SULT1B1: variants seen among roughly 807,000 people sequenced by gnomAD.
SULT1B1 encodes sulfotransferase 1B1.
A neutral mutation model predicts 34.6 loss-of-function variants in SULT1B1; 28 were observed. The ratio of observed to expected loss-of-function variants is 0.81; its 90% confidence interval spans 0.60 to 1.11. The LOEUF is 1.11. SULT1B1 is among the 50% of genes least tolerant of loss of function. SULT1B1 has a pLI of 0.00. For missense variants in SULT1B1, 374 were observed against 352.2 expected (o/e 1.06, Z -0.50); for synonymous variants, 147 against 110.2 (o/e 1.33, Z -2.09).
chr4:69,735,474 A>C (rs1847365), intron 4 of SULT1B1, among the ~76,000 whole-genome samples: 144,805 of 152,298 alleles, frequency 0.95, 69,013 homozygotes, highest in Non-Finnish European at 0.99. Context: ...AAGTACTGGG[A>C]CATTCAAACT....
chr4:69,730,682 C>T lies in SULT1B1; in HGVS notation c.598-1G>A. On this transcript the variant is annotated splice_acceptor_variant, in intron 6 of 7. Coordinates refer to ENST00000310613, the MANE Select transcript of SULT1B1 (RefSeq NM_014465.4). LOFTEE classifies it high-confidence loss of function. ...TCTTCTTGATTTCCTCCTTTGGATT[C>T]TATTAGTGGGTAAAACCCAAGACAA... 1 of 1,610,170 alleles carries T rather than the reference C, an allele frequency of 6.2e-7. No individual in the cohort carries two copies. Among genetic ancestry groups the T allele is most frequent in the Non-Finnish European group, 8.5e-7 (1 of 1,178,862 alleles).
chr4:69,733,859 AG>A (rs1278034835), intron 5 of SULT1B1, among the ~76,000 whole-genome samples: 1 of 152,186 alleles, frequency 6.6e-6, no homozygotes, highest in African/African-American at 2.4e-5. Context: ...TGCTTAAGCA[AG>A]TTAAACAATG....
chr4:69,739,913 C>G (rs571534047), intron 4 of SULT1B1, among the ~76,000 whole-genome samples: 6 of 152,304 alleles, frequency 3.9e-5, no homozygotes, highest in Admixed American at 3.9e-4. Flanking sequence ...CAGTTCCCAA[C>G]AAGTTCCTCT....
At chr4:69,755,020 G>T in intron 2 of SULT1B1, 50 bp downstream of exon 2, 1 of 1,497,092 alleles carries the variant, frequency 6.7e-7, no homozygotes, top group Non-Finnish European at 9.2e-7. Flanking sequence ...TTGATTTCCA[G>T]GAAACAAAAA....
chr4:69,756,839 C>T (rs1300952273), intron 1 of SULT1B1, among the ~76,000 whole-genome samples: 1 of 152,110 alleles, frequency 6.6e-6, no homozygotes, highest in Non-Finnish European at 1.5e-5. Flanking sequence ...AGGAGAGTCA[C>T]CCTTTTGGTT....
In SULT1B1 at chr4:69,754,733, G is replaced by T. The variant is rs148271036; in HGVS notation, c.214C>A (p.Arg72=). The T allele has an allele frequency of 7.1e-4, 1,139 of 1,612,496 alleles. 4 individuals carry two copies. The highest frequency in any genetic ancestry group is 9.0e-4 in the Non-Finnish European group (1,057 of 1,179,080). ...GGAACTTTTTCAGTAATAAAACCTC[G>T]CTTACATTTTTCAATATCTCCATCA... ...LNDGDIEKCK[R]GFITEKVPML... Residue 72 remains arginine (R), a synonymous_variant, in exon 3 of 8, where the codon CGA becomes AGA. Coordinates refer to ENST00000310613, the MANE Select transcript of SULT1B1 (RefSeq NM_014465.4).
At chr4:69,749,383 T>C (rs1164926856) in intron 4 of SULT1B1, among the ~76,000 whole-genome samples, 1 of 152,108 alleles carries the variant, frequency 6.6e-6, no homozygotes, top group Non-Finnish European at 1.5e-5. Context: ...GAACAAATGT[T>C]ACAACAAAGA....
chr4:69,738,490 C>G (rs1718405111), intron 4 of SULT1B1, among the ~76,000 whole-genome samples: 1 of 152,148 alleles, frequency 6.6e-6, no homozygotes. Flanking sequence ...ATAAAACCAT[C>G]AGGTCTTCTG....
chr4:69,731,589 G>C (rs572314621), intron 6 of SULT1B1, among the ~76,000 whole-genome samples: 1 of 151,884 alleles, frequency 6.6e-6, no homozygotes, highest in Admixed American at 6.6e-5. Flanking sequence ...GTAAATTACT[G>C]GACTTTTTTT....
intron 4 of SULT1B1, among the ~76,000 whole-genome samples, chr4:69,738,273 T>C (rs1005270652): frequency 2.0e-4 from 31 of 152,306 alleles, no homozygotes; most frequent in African/African-American, 7.2e-4. Flanking sequence ...TAATGAGTAT[T>C]GTATTAATAA....
intron 7 of SULT1B1, 139 bp downstream of exon 7, chr4:69,730,362 C>A: frequency 1.6e-6 from 1 of 615,738 alleles, no homozygotes; most frequent in Non-Finnish European, 2.6e-6. Flanking sequence ...TTTTGAATCT[C>A]AGCAACTTTT....
intron 4 of SULT1B1, among the ~76,000 whole-genome samples, chr4:69,738,399 C>A (rs547446677): frequency 4.6e-5 from 7 of 152,262 alleles, no homozygotes; most frequent in Non-Finnish European, 8.8e-5. Flanking sequence ...ACAATCATGG[C>A]AGAAGCAAAA....
In SULT1B1 at chr4:69,725,347, C is replaced by T. The variant is rs1010963764; in HGVS notation, c.*1741G>A. 6.6e-6 allele frequency: 1 copy of T among 152,068 alleles called. No individual in the cohort carries two copies. Among genetic ancestry groups the T allele is most frequent in the Non-Finnish European group, 1.5e-5 (1 of 67,996 alleles). 9.4% of individuals were successfully genotyped at this position (152,068 alleles called of 1,614,324 possible). A position where few individuals can be genotyped will look rare whatever the true frequency, so the allele number is the denominator to read the frequency against. Reference sequence around the variant, plus strand: ...TACCATCTCACACCAGTTAGAATGGCAATCATTAAAAAGTCAGGAAACAAC... The same window carrying T: ...TACCATCTCACACCAGTTAGAATGGTAATCATTAAAAAGTCAGGAAACAAC... On this transcript the variant is annotated 3_prime_UTR_variant, in exon 8 of 8. Coordinates refer to ENST00000310613, the MANE Select transcript of SULT1B1 (RefSeq NM_014465.4).
chr4:69,754,623 G>A (rs753115181), intron 3 of SULT1B1, 47 bp downstream of exon 3: 4 of 1,585,562 alleles, frequency 2.5e-6, no homozygotes, highest in Admixed American at 3.4e-5. Context: ...TGCATATGCT[G>A]TCTAAATAAT....
At chr4:69,757,904 C>A (rs1469228940) in intron 1 of SULT1B1, among the ~76,000 whole-genome samples, 1 of 152,130 alleles carries the variant, frequency 6.6e-6, no homozygotes, top group Non-Finnish European at 1.5e-5. Flanking sequence ...GAGAAGCAGT[C>A]TCAAAATAGA....
chr4:69,733,443 T>G lies in SULT1B1; in HGVS notation c.567A>C (p.Ile189=), dbSNP rs989563520. The G allele has an allele frequency of 4.4e-6, 7 of 1,608,386 alleles. No homozygotes were observed. The highest frequency in any genetic ancestry group is 5.9e-6 in the Non-Finnish European group (7 of 1,177,920). ...TCATATCTTCATAGTACAAAAAAAG[T>G]ATTGGGTGTTCTTCCTTTTTCTTCC... ...NWWKKKEEHP[I]LFLYYEDMKE... is the part of the protein sequence containing the mutation. Residue 189 remains isoleucine, a synonymous_variant, in exon 6 of 8, where the codon ATA becomes ATC. Coordinates refer to ENST00000310613, the MANE Select transcript of SULT1B1 (RefSeq NM_014465.4).
intron 5 of SULT1B1, 89 bp from the exon 6 acceptor site, chr4:69,733,596 G>A (rs766609940): frequency 1.7e-5 from 17 of 975,476 alleles, no homozygotes; most frequent in Middle Eastern, 5.9e-4. Flanking sequence ...AAAACATTTT[G>A]AATTTAGTAA....
At chr4:69,752,799 G>A (rs904068343) in intron 3 of SULT1B1, among the ~76,000 whole-genome samples, 6 of 152,266 alleles carry the variant, frequency 3.9e-5, no homozygotes, top group Non-Finnish European at 7.4e-5. Flanking sequence ...TTGGCATACA[G>A]GTCTATCACT....
At chr4:69,759,454 C>T (rs1353783578) in intron 1 of SULT1B1, among the ~76,000 whole-genome samples, 1 of 152,044 alleles carries the variant, frequency 6.6e-6, no homozygotes, top group East Asian at 1.9e-4. Context: ...AAATTGTTGC[C>T]GGAGAAGGAT....
Sources: allele counts gnomAD v4.1 joint callset (sites outside exome capture counted in the v4.1 genomes callset), GRCh38; gene constraint gnomAD v4.1.1; transcripts MANE v1.5; gene names NCBI Gene and HGNC (gene_info 2026-07-23, HGNC 2026-07-21).